Variants in BPTF observed in about 807,000 individuals in gnomAD.
The protein encoded by BPTF is nucleosome-remodeling factor subunit BPTF.
In BPTF, 18 loss-of-function variants were observed where a neutral mutation model predicts 292.5. The observed-to-expected ratio is 0.06, with a 90% confidence interval of 0.04 to 0.09. The LOEUF (loss-of-function observed/expected upper bound fraction) is 0.09, where lower values mean the gene tolerates loss of function less well. BPTF is among the 10% of genes least tolerant of loss of function. The pLI, the probability that BPTF is intolerant of heterozygous loss-of-function variation, is 1.00. For missense variants in BPTF, 2,726 were observed against 3,498.7 expected, an observed-to-expected ratio of 0.78 and a Z score of 5.57; for synonymous variants, 1,225 against 1,251.9, an observed-to-expected ratio of 0.98 and a Z score of 0.45.
In BPTF at chr17:67,950,051, C is replaced by CAAAAAA. The variant is rs567911150; in HGVS notation, c.7926+1761_7926+1766dup. On this transcript the variant is annotated intron_variant, in intron 23 of 27. Coordinates refer to ENST00000306378, the MANE Select transcript of BPTF (RefSeq NM_182641.4). ...CCTGGGCAACAGAATGAGACTGTCT[C>CAAAAAA]AAAAAAAAAAAAAAAAAAAAACATT... 8.6e-3 allele frequency among the ~76,000 whole-genome samples: 586 copies of CAAAAAA among 68,532 alleles called. 25 individuals are homozygous for CAAAAAA. Among genetic ancestry groups the CAAAAAA allele is most frequent in the African/African-American group, 0.037 (534 of 14,564 alleles). The allele number at this position is 68,532 out of a possible 152,430, so 45.0% of individuals were successfully genotyped here. A position where few individuals can be genotyped will look rare whatever the true frequency, so the allele number is the denominator to read the frequency against.
chr17:67,867,416 C>T (rs936305442), intron 3 of BPTF, among the ~76,000 whole-genome samples: 2 of 152,160 alleles, frequency 1.3e-5, no homozygotes, highest in African/African-American at 2.4e-5. Context: ...TTCCATATAT[C>T]CTGCACTTGG....
In BPTF at chr17:67,924,598, A is replaced by G. The variant is rs762609878; in HGVS notation, c.5751+9A>G. 1.9e-6 allele frequency: 3 copies of G among 1,613,482 alleles called. No individual in the cohort carries two copies. In the South Asian group the frequency reaches 3.3e-5, roughly 18 times the overall value. On this transcript the variant is annotated intron_variant, in intron 15 of 27. Coordinates refer to ENST00000306378, the MANE Select transcript of BPTF (RefSeq NM_182641.4). ...TTGAGCAACAGGCTAAGGTTAGTGA[A>G]CAGAAGAAGGCAGAGGACATCAAGG...
intron 19 of BPTF, among the ~76,000 whole-genome samples, 183 bp from the exon 20 acceptor site, chr17:67,943,967 T>C (rs75039453): frequency 0.016 from 2,485 of 152,288 alleles, 63 homozygotes; most frequent in African/African-American, 0.052. Flanking sequence ...GGATTGTTGA[T>C]GTTTTTCCTA....
intron 23 of BPTF, among the ~76,000 whole-genome samples, chr17:67,954,036 G>A (rs2066681766): frequency 8.6e-6 from 1 of 116,762 alleles, no homozygotes; most frequent in East Asian, 2.5e-4. Context: ...GCCCAGGCGG[G>A]AGTGCAGCGG....
intron 12 of BPTF, among the ~76,000 whole-genome samples, chr17:67,919,122 A>G (rs2063250906): frequency 6.6e-6 from 1 of 150,912 alleles, no homozygotes; most frequent in South Asian, 2.1e-4. Context: ...CAGTGAGCTG[A>G]GATTGTGCCA....
chr17:67,966,401 G>T, intron 25 of BPTF, 171 bp from the exon 26 acceptor site: 1 of 540,196 alleles, frequency 1.9e-6, no homozygotes, highest in Non-Finnish European at 3.2e-6. Flanking sequence ...TTATTGTAGA[G>T]GAAGCTCATC....
At chr17:67,895,899 G>T (rs917814114) in intron 7 of BPTF, among the ~76,000 whole-genome samples, 2 of 151,662 alleles carry the variant, frequency 1.3e-5, no homozygotes, top group Non-Finnish European at 2.9e-5. Flanking sequence ...TTATAGCAGG[G>T]TGTTCCTTAT....
chr17:67,887,485 A>C (rs1250321606), intron 4 of BPTF, among the ~76,000 whole-genome samples: 1 of 152,146 alleles, frequency 6.6e-6, no homozygotes, highest in Non-Finnish European at 1.5e-5. Context: ...TGTTTTATTG[A>C]GGAGGGTTAT....
rs2070650494 is a variant in BPTF, at chr17:67,983,813, C to T, written c.*1525C>T. ...AAAGTTTCTTTCCTTTTAATGTTTC[C>T]CTGCTATGCAAAACCTTTCCCAGAC... On this transcript the variant is annotated 3_prime_UTR_variant, in exon 28 of 28. Transcript: ENST00000306378. The T allele has an allele frequency of 6.6e-6, 1 of 152,538 alleles. No individual in the cohort carries two copies. Among genetic ancestry groups the T allele is most frequent in the Non-Finnish European group, 1.5e-5 (1 of 68,032 alleles). The allele number at this position is 152,538 out of a possible 1,614,324, so 9.4% of individuals were successfully genotyped here.
At chr17:67,907,903 G>A (rs917096488) in intron 9 of BPTF, among the ~76,000 whole-genome samples, 15 of 152,120 alleles carry the variant, frequency 9.9e-5, no homozygotes, top group African/African-American at 3.4e-4. Flanking sequence ...ACTGTAAGCA[G>A]TAAACAAGGC....
At chr17:67,969,067 C>A (rs944611564) in intron 26 of BPTF, among the ~76,000 whole-genome samples, 1 of 151,018 alleles carries the variant, frequency 6.6e-6, no homozygotes, top group African/African-American at 2.5e-5. Flanking sequence ...TTTCACAGGC[C>A]GAGACAAGCA....
At chr17:67,892,781 G>A (rs1268991660) in intron 5 of BPTF, among the ~76,000 whole-genome samples, 1 of 152,078 alleles carries the variant, frequency 6.6e-6, no homozygotes. Context: ...TTTATGATGT[G>A]GGAAGCACTC....
At chr17:67,932,391 A>T (rs921436129) in intron 18 of BPTF, among the ~76,000 whole-genome samples, 14 of 152,232 alleles carry the variant, frequency 9.2e-5, no homozygotes, top group Admixed American at 7.9e-4. Flanking sequence ...GAATACATTA[A>T]AACTACCATT....
At chr17:67,964,936 T>C (rs1447827113) in intron 25 of BPTF, 1 of 141,506 alleles carries the variant, frequency 7.1e-6, no homozygotes, top group Non-Finnish European at 1.5e-5. Context: ...GAGGCAGAGC[T>C]TGCAGTGAGC....
intron 11 of BPTF, among the ~76,000 whole-genome samples, chr17:67,917,080 CATG>C (rs2063057746): frequency 6.7e-6 from 1 of 148,236 alleles, no homozygotes; most frequent in Non-Finnish European, 1.5e-5. Flanking sequence ...TAGAAACAAA[CATG>C]AACACAGAGA....
At chr17:67,920,881 CAA>C in intron 13 of BPTF, among the ~76,000 whole-genome samples, 1 of 151,734 alleles carries the variant, frequency 6.6e-6, no homozygotes, top group African/African-American at 2.4e-5. Context: ...TTTATATAAA[CAA>C]TAAAAATATT....
intron 4 of BPTF, 38 bp from the exon 5 acceptor site, chr17:67,891,806 A>T: frequency 6.8e-7 from 1 of 1,468,030 alleles, no homozygotes; most frequent in Non-Finnish European, 9.1e-7. Context: ...TTATTTACTT[A>T]TTGTCAGCAA....
In BPTF at chr17:67,910,888, C is replaced by A; in HGVS notation, c.3004C>A (p.Leu1002Ile). ...TCTTTGTTTCACAGATGTGAAGGAG[C>A]TCTTAGATTCTGACAGTGATAAACC... ...TEKKDQDVKE[L>I]LDSDSDKPCK... Residue 1002 changes from leucine (L) to isoleucine (I), a missense_variant, in exon 11 of 28, where the codon CTC becomes ATC. Coordinates refer to ENST00000306378, the MANE Select transcript of BPTF (RefSeq NM_182641.4). 1 of 1,580,602 alleles carries A rather than the reference C, an allele frequency of 6.3e-7. No individual in the cohort carries two copies. Among genetic ancestry groups the A allele is most frequent in the Non-Finnish European group, 8.6e-7 (1 of 1,164,726 alleles).
At chr17:67,853,333 ATTC>A (rs939085671) in intron 1 of BPTF, among the ~76,000 whole-genome samples, 2 of 152,056 alleles carry the variant, frequency 1.3e-5, no homozygotes, top group Non-Finnish European at 2.9e-5. Flanking sequence ...CAGCATTGGA[ATTC>A]TTCTCTTTTC....
Sources: gnomAD v4.1 joint callset for allele counts (sites outside exome capture counted in the v4.1 genomes callset) on GRCh38, gnomAD v4.1.1 for gene constraint, MANE v1.5 for transcripts, NCBI Gene and HGNC (gene_info 2026-07-23, HGNC 2026-07-21) for gene names.